Variants in ZFHX3 observed in about 807,000 individuals in gnomAD.
ZFHX3 encodes the protein zinc finger homeobox protein 3.
A neutral mutation model predicts 279.1 loss-of-function variants in ZFHX3; 42 were observed. That is an observed-to-expected ratio of 0.15 (90% CI 0.12 to 0.19). The LOEUF is 0.19. Ranked by LOEUF, ZFHX3 falls within the 10% of genes least tolerant of loss-of-function variation. The pLI is 1.00. For missense variants in ZFHX3, 4,981 were observed against 4,754.0 expected (o/e 1.05, Z -1.40); for synonymous variants, 2,293 against 1,957.8 (o/e 1.17, Z -4.52).
intron 3 of ZFHX3, among the ~76,000 whole-genome samples, chr16:73,433,500 C>A (rs560661708): frequency 6.6e-6 from 1 of 152,146 alleles, no homozygotes; most frequent in Non-Finnish European, 1.5e-5. Flanking sequence ...CAAGGACTAT[C>A]GTTTATAAGT....
intron 3 of ZFHX3, among the ~76,000 whole-genome samples, chr16:72,907,595 GTGTGTGT>G (rs2039213004): frequency 7.2e-6 from 1 of 139,552 alleles, no homozygotes; most frequent in African/African-American, 2.8e-5. Context: ...GTGTGTGTGT[GTGTGTGT>G]GTGTTGTGTG....
At chr16:73,228,512 A>C (rs1443658723) in intron 5 of ZFHX3, among the ~76,000 whole-genome samples, 1 of 152,064 alleles carries the variant, frequency 6.6e-6, no homozygotes, top group Non-Finnish European at 1.5e-5. Flanking sequence ...AAAATACAAA[A>C]ATTAACCAGG....
At chr16:73,110,375 A>G (rs1258560127) in intron 7 of ZFHX3, among the ~76,000 whole-genome samples, 1 of 152,214 alleles carries the variant, frequency 6.6e-6, no homozygotes, top group Non-Finnish European at 1.5e-5. Context: ...CTTGGATAAT[A>G]TAATTTTGTT....
At chr16:73,588,048 G>A (rs573923920) in intron 2 of ZFHX3, among the ~76,000 whole-genome samples, 283 of 152,246 alleles carry the variant, frequency 1.9e-3, no homozygotes, top group Non-Finnish European at 3.3e-3. Flanking sequence ...GGACTGCAAT[G>A]ACAATGTTCT....
chr16:72,857,844 T>C (rs992929145), intron 4 of ZFHX3, among the ~76,000 whole-genome samples: 16 of 152,370 alleles, frequency 1.1e-4, no homozygotes, highest in African/African-American at 3.6e-4. Context: ...GGTTGTATAA[T>C]TCATGCCACT....
intron 8 of ZFHX3, 86 bp downstream of exon 8, chr16:72,799,941 A>G: frequency 8.0e-7 from 1 of 1,244,912 alleles, no homozygotes; most frequent in Non-Finnish European, 1.2e-6. Flanking sequence ...AGAGTATTGT[A>G]AAGAATTCCT....
chr16:72,834,870 G>A (rs2037147994), intron 4 of ZFHX3, among the ~76,000 whole-genome samples: 1 of 152,148 alleles, frequency 6.6e-6, no homozygotes, highest in Non-Finnish European at 1.5e-5. Context: ...TCCACGGCGG[G>A]TATTCTACGA....
chr16:72,906,578 C>T (rs143843661), intron 3 of ZFHX3, among the ~76,000 whole-genome samples: 2,050 of 152,212 alleles, frequency 0.013, 33 homozygotes, highest in African/African-American at 0.043. Flanking sequence ...AGGCGGATCA[C>T]CTGAGGTCAG....
At chr16:73,620,477 G>A (rs2052347800) in intron 2 of ZFHX3, among the ~76,000 whole-genome samples, 1 of 152,208 alleles carries the variant, frequency 6.6e-6, no homozygotes, top group Non-Finnish European at 1.5e-5. Flanking sequence ...GGGGTGGAGG[G>A]ACAGGAGATA....
chr16:72,823,644 TGGGAAA>T (rs1455580592), intron 5 of ZFHX3, among the ~76,000 whole-genome samples: 1 of 152,210 alleles, frequency 6.6e-6, no homozygotes, highest in Non-Finnish European at 1.5e-5. Context: ...AAGAGAAATC[TGGGAAA>T]GTTATTAGCA....
intron 3 of ZFHX3, among the ~76,000 whole-genome samples, chr16:73,344,778 T>C (rs1202970161): frequency 6.6e-6 from 1 of 152,078 alleles, no homozygotes; most frequent in Non-Finnish European, 1.5e-5. Context: ...GGTAAGGGAA[T>C]GGGACAAAAT....
At chr16:73,017,083 C>T (rs1182750961) in intron 1 of ZFHX3, among the ~76,000 whole-genome samples, 1 of 151,916 alleles carries the variant, frequency 6.6e-6, no homozygotes, top group East Asian at 1.9e-4. Flanking sequence ...ATAAATCAGC[C>T]AGGCGTGGGG....
intron 1 of ZFHX3, among the ~76,000 whole-genome samples, chr16:73,017,217 T>C (rs1242489686): frequency 2.0e-5 from 3 of 147,042 alleles, no homozygotes; most frequent in Non-Finnish European, 3.0e-5. Flanking sequence ...TGAGCAACAC[T>C]GCAAGACTCC....
Position 73,566,981 on chromosome 16 carries a change from G to A in ZFHX3, c.-1546-110723C>T, listed in dbSNP as rs182631163. ...CCCAAAGTGTTGGGATTACAGGCAC[G>A]AGCCACTGCACCCAGCCAACACTGA... On this transcript the variant is annotated intron_variant, in intron 2 of 17. Transcript: ENST00000641206. 8.9e-4 allele frequency among the ~76,000 whole-genome samples: 136 copies of A among 152,254 alleles called. 2 individuals carry two copies. Among genetic ancestry groups the A allele is most frequent in the African/African-American group, 2.6e-3 (107 of 41,564 alleles).
chr16:73,889,894 A>G (rs2030472596), intron 1 of ZFHX3, among the ~76,000 whole-genome samples: 1 of 152,198 alleles, frequency 6.6e-6, no homozygotes, highest in African/African-American at 2.4e-5. Flanking sequence ...CAATTAGGAA[A>G]TCCATTTAAA....
chr16:72,858,082 C>G (rs905646191), intron 4 of ZFHX3, among the ~76,000 whole-genome samples: 3 of 152,176 alleles, frequency 2.0e-5, no homozygotes. Context: ...CGGCGGGGGG[C>G]TCTGACGGCA....
chr16:72,889,739 G>A lies in ZFHX3; in HGVS notation c.3440C>T (p.Thr1147Met), dbSNP rs142746363. 50 of 1,612,198 alleles carry A rather than the reference G, an allele frequency of 3.1e-5. No individual in the cohort carries two copies. In the South Asian group the frequency reaches 4.1e-4, roughly 13 times the overall value. The change falls in exon 4 of 10, where the codon ACG (threonine) becomes ATG (methionine). Residue 1147 changes from threonine to methionine, a missense_variant. Transcript: ENST00000268489. ...QIFTIRRCPS[T>M]DPEEAIEDVE... is the part of the protein sequence containing the mutation. Reference sequence around the variant, plus strand: ...CCTGTGAGACCACTCACCTGGGTCCGTGGAGGGGCACCTGCGGATGGTGAA... The same window carrying A: ...CCTGTGAGACCACTCACCTGGGTCCATGGAGGGGCACCTGCGGATGGTGAA...
chr16:73,649,306 T>A (rs1263812564), intron 2 of ZFHX3, among the ~76,000 whole-genome samples: 1 of 152,220 alleles, frequency 6.6e-6, no homozygotes, highest in African/African-American at 2.4e-5. Flanking sequence ...TTCCTGTTGG[T>A]TTCTGGCTTT....
intron 2 of ZFHX3, among the ~76,000 whole-genome samples, chr16:73,533,246 A>G (rs1002837898): frequency 3.3e-5 from 5 of 151,860 alleles, no homozygotes; most frequent in African/African-American, 9.7e-5. Flanking sequence ...CTTCACCAAG[A>G]AAAATGAAGG....
Sources: allele counts gnomAD v4.1 joint callset (sites outside exome capture counted in the v4.1 genomes callset), GRCh38; gene constraint gnomAD v4.1.1; transcripts MANE v1.5; gene names NCBI Gene and HGNC (gene_info 2026-07-23, HGNC 2026-07-21).